Variants in PRR5L observed in about 807,000 individuals in gnomAD.
PRR5L encodes proline rich 5 like.
In PRR5L, 21 loss-of-function variants were observed where a neutral mutation model predicts 36.4. The observed-to-expected ratio is 0.58, with a 90% CI of 0.41 to 0.83. The LOEUF is 0.83. Ranked by LOEUF, PRR5L falls within the 40% of genes least tolerant of loss-of-function variation. PRR5L has a pLI of 0.00. For synonymous variants in PRR5L, 188 were observed against 197.0 expected (o/e 0.95, Z 0.38); for missense variants, 381 against 473.3 (o/e 0.80, Z 1.81).
At chr11:36,332,459 A>G (rs1856728681) in intron 1 of PRR5L, among the ~76,000 whole-genome samples, 2 of 152,146 alleles carry the variant, frequency 1.3e-5, no homozygotes, top group Non-Finnish European at 2.9e-5. Context: ...CTGTTAATCT[A>G]CTATATAACC....
intron 8 of PRR5L, among the ~76,000 whole-genome samples, chr11:36,458,691 T>C (rs1330822049): frequency 6.6e-6 from 1 of 152,182 alleles, no homozygotes; most frequent in Non-Finnish European, 1.5e-5. Flanking sequence ...GACACACGTG[T>C]CTAGGGCCCT....
At chr11:36,439,593 T>G (rs988228883) in intron 6 of PRR5L, among the ~76,000 whole-genome samples, 4 of 152,150 alleles carry the variant, frequency 2.6e-5, no homozygotes, top group African/African-American at 9.7e-5. Flanking sequence ...CTTTATTCAA[T>G]TAGCTGAATT....
In PRR5L at chr11:36,343,929, A is replaced by G. The variant is rs1590461131; in HGVS notation, c.-126+47491A>G. ...TGTTTTTTTTTTTTTAAAATATCACATGCTTGGTGGGGTGCGGTGGCTCAC... is the reference window on the plus strand; with the variant it reads ...TGTTTTTTTTTTTTTAAAATATCACGTGCTTGGTGGGGTGCGGTGGCTCAC... On this transcript the variant is annotated intron_variant, in intron 1 of 8. Coordinates refer to ENST00000530639, the MANE Select transcript of PRR5L (RefSeq NM_001160167.2). Among the ~76,000 whole-genome samples, 3 of 151,430 alleles carry G rather than the reference A, an allele frequency of 2.0e-5. No homozygotes were observed. The South Asian group carries it at 6.2e-4, about 31-fold the overall frequency.
intron 8 of PRR5L, among the ~76,000 whole-genome samples, chr11:36,460,038 A>G (rs1859146690): frequency 6.6e-6 from 1 of 152,202 alleles, no homozygotes; most frequent in African/African-American, 2.4e-5. Context: ...TTGCCCAGAG[A>G]TGATAACTAG....
At position 36,352,249 on chromosome 11, in the gene PRR5L, T is replaced by C. The variant is rs2133493977; in HGVS notation, c.-125-48748T>C. On this transcript the variant is annotated intron_variant, in intron 1 of 8. Coordinates refer to ENST00000530639, the MANE Select transcript of PRR5L (RefSeq NM_001160167.2). ...TCTTCTTTTGAGAATTGTCTCTCCA[T>C]GTTCTTAGCCCATTTTTGATGGGAT... Among the ~76,000 whole-genome samples, 3 of 152,300 alleles carry C rather than the reference T, an allele frequency of 2.0e-5. No individual in the cohort carries two copies. The South Asian group carries it at 6.2e-4, about 32-fold the overall frequency.
At chr11:36,431,978 G>A (rs1340749258) in intron 5 of PRR5L, 68 bp downstream of exon 5, 7 of 1,387,936 alleles carry the variant, frequency 5.0e-6, no homozygotes, top group Non-Finnish European at 7.2e-6. Flanking sequence ...GGACGGCTGA[G>A]ATGCTTCTGT....
chr11:36,400,375 G>A (rs1369202183), intron 1 of PRR5L, among the ~76,000 whole-genome samples: 1 of 152,212 alleles, frequency 6.6e-6, no homozygotes, highest in Non-Finnish European at 1.5e-5. Context: ...CATAGGCTGA[G>A]TACCCTGAGA....
chr11:36,387,578 G>T (rs1857480941), intron 1 of PRR5L, among the ~76,000 whole-genome samples: 1 of 152,112 alleles, frequency 6.6e-6, no homozygotes, highest in African/African-American at 2.4e-5. Context: ...TCTCTCAAAG[G>T]TTCTCAGTGT....
chr11:36,383,821 C>T (rs1451375729), intron 1 of PRR5L, among the ~76,000 whole-genome samples: 3 of 151,706 alleles, frequency 2.0e-5, no homozygotes, highest in East Asian at 1.9e-4. Flanking sequence ...TCAGCCTCCC[C>T]AGTAGCTGGA....
intron 6 of PRR5L, among the ~76,000 whole-genome samples, chr11:36,445,332 T>C (rs1858806098): frequency 6.6e-6 from 1 of 152,198 alleles, no homozygotes; most frequent in South Asian, 2.1e-4. Context: ...TTTTCTCTTT[T>C]GTTCTTGAAA....
At chr11:36,390,626 C>T (rs146381708) in intron 1 of PRR5L, among the ~76,000 whole-genome samples, 1 of 152,308 alleles carries the variant, frequency 6.6e-6, no homozygotes, top group Non-Finnish European at 1.5e-5. Context: ...GACACAGGTG[C>T]TTCCAAACAG....
intron 1 of PRR5L, among the ~76,000 whole-genome samples, chr11:36,379,812 G>A (rs1180381799): frequency 1.3e-5 from 2 of 152,174 alleles, no homozygotes; most frequent in Non-Finnish European, 2.9e-5. Context: ...TTTGAAACTT[G>A]TACAGTTAAA....
chr11:36,390,932 C>T (rs1590523351), intron 1 of PRR5L, among the ~76,000 whole-genome samples: 1 of 152,284 alleles, frequency 6.6e-6, no homozygotes. Flanking sequence ...TTTGACCGAT[C>T]ATTATCTAAA....
intron 1 of PRR5L, among the ~76,000 whole-genome samples, chr11:36,389,950 C>T (rs1204671162): frequency 6.6e-6 from 1 of 152,168 alleles, no homozygotes; most frequent in African/African-American, 2.4e-5. Context: ...GCAATGATGC[C>T]TCACACACAG....
chr11:36,446,160 T>A, intron 6 of PRR5L, 140 bp from the exon 7 acceptor site: 1 of 907,476 alleles, frequency 1.1e-6, no homozygotes, highest in East Asian at 2.7e-5. Context: ...CTTTGGCTCT[T>A]TGAAAGACAC....
intron 1 of PRR5L, among the ~76,000 whole-genome samples, chr11:36,309,650 T>TGATGGTGGTGGTGGTAATGGG (rs1565377565): frequency 6.7e-6 from 1 of 148,860 alleles, no homozygotes; most frequent in Admixed American, 6.7e-5. Context: ...GTAGTGGGGA[T>TGATGGTGGTGGTGGTAATGGG]GATGATGGTG....
intron 1 of PRR5L, among the ~76,000 whole-genome samples, chr11:36,374,876 G>T (rs771341662): frequency 1.3e-5 from 2 of 152,156 alleles, no homozygotes; most frequent in Non-Finnish European, 2.9e-5. Flanking sequence ...TGCCATTTTG[G>T]CTCCAGGCTT....
chr11:36,349,527 C>G (rs1460487160), intron 1 of PRR5L, among the ~76,000 whole-genome samples: 1 of 151,998 alleles, frequency 6.6e-6, no homozygotes, highest in Non-Finnish European at 1.5e-5. Flanking sequence ...TCCTTCTGGT[C>G]GATTGTTCAT....
chr11:36,356,449 T>G (rs1182259967), intron 1 of PRR5L, among the ~76,000 whole-genome samples: 1 of 152,178 alleles, frequency 6.6e-6, no homozygotes, highest in Non-Finnish European at 1.5e-5. Context: ...CCTCCAGGGT[T>G]TACAGGCATA....
Sources: gnomAD v4.1 joint callset for allele counts (sites outside exome capture counted in the v4.1 genomes callset) on GRCh38, gnomAD v4.1.1 for gene constraint, MANE v1.5 for transcripts, NCBI Gene and HGNC (gene_info 2026-07-23, HGNC 2026-07-21) for gene names.